The following RBPMS variants were observed in gnomAD, a reference collection of about 807,000 sequenced individuals.
RBPMS encodes the protein RNA binding protein, mRNA processing factor, also known as RNA-binding protein with multiple splicing.
In RBPMS, 7 loss-of-function variants were observed where a neutral mutation model predicts 26.8. The ratio of observed to expected loss-of-function variants is 0.26; its 90% confidence interval spans 0.15 to 0.49. RBPMS has a LOEUF of 0.49. RBPMS is among the 20% of genes least tolerant of loss of function. The probability of loss-of-function intolerance (pLI) is 0.98; values close to 1 mark genes in which losing one functional copy is unlikely to be tolerated. For missense variants in RBPMS, 186 were observed against 250.0 expected, an observed-to-expected ratio of 0.74 and a Z score of 1.73; for synonymous variants, 96 against 93.3, an observed-to-expected ratio of 1.03 and a Z score of -0.17.
intron 2 of RBPMS, 92 bp from the exon 3 acceptor site, chr8:30,477,707 G>A (rs867442055): frequency 5.8e-6 from 5 of 859,188 alleles, no homozygotes; most frequent in Middle Eastern, 2.3e-4. Context: ...TGTAGGAGGA[G>A]TTAGGTAATC....
intron 5 of RBPMS, among the ~76,000 whole-genome samples, chr8:30,527,498 C>T (rs1823718434): frequency 6.6e-6 from 1 of 152,222 alleles, no homozygotes; most frequent in East Asian, 1.9e-4. Context: ...TCTATTCCCT[C>T]TGAGACATTT....
rs1397696524 is a variant in RBPMS at position 30,571,015 on chromosome 8, G to A, written c.*490G>A. ...CTCTGAAGTAAGTTGCATGTTTGAG[G>A]CATGTTTCCAAATATTATCAAAATA... On this transcript the variant is annotated 3_prime_UTR_variant, in exon 9 of 9. Coordinates refer to ENST00000397323, the MANE Select transcript of RBPMS (RefSeq NM_001008710.3). 6.6e-6 allele frequency: 1 copy of A among 152,080 alleles called. No individual in the cohort carries two copies. Among genetic ancestry groups the A allele is most frequent in the African/African-American group, 2.4e-5 (1 of 41,344 alleles). The allele number at this position is 152,080 out of a possible 1,614,324, so 9.4% of individuals were successfully genotyped here.
chr8:30,499,870 CTGTGTGTGTGTGTGTGTGTG>C (rs10543546), intron 4 of RBPMS, among the ~76,000 whole-genome samples: 77 of 150,248 alleles, frequency 5.1e-4, no homozygotes, highest in African/African-American at 1.5e-3. Context: ...TCAGGGGAAA[CTGTGTGTGTGTGTGTGTGTG>C]TGTGTGTGTG....
intron 1 of RBPMS, among the ~76,000 whole-genome samples, chr8:30,414,922 T>A (rs560020915): frequency 6.6e-6 from 1 of 152,088 alleles, no homozygotes; most frequent in African/African-American, 2.4e-5. Context: ...TTTTCCCCTT[T>A]CCTCCTGAAT....
intron 1 of RBPMS, among the ~76,000 whole-genome samples, chr8:30,444,134 G>A (rs146505680): frequency 1.9e-3 from 289 of 152,132 alleles, no homozygotes; most frequent in African/African-American, 6.2e-3. Context: ...GGCCTCAAGT[G>A]ATCCTCCGGC....
chr8:30,427,510 G>A (rs1365666650), intron 1 of RBPMS, among the ~76,000 whole-genome samples: 3 of 152,124 alleles, frequency 2.0e-5, no homozygotes, highest in Admixed American at 2.0e-4. Context: ...ATGCCTGCTC[G>A]TCTTTCAGTA....
chr8:30,500,649 C>T (rs1036371985), intron 4 of RBPMS, among the ~76,000 whole-genome samples: 17 of 152,134 alleles, frequency 1.1e-4, no homozygotes, highest in African/African-American at 2.2e-4. Context: ...GAGGCTGTTA[C>T]GGTGACTCAG....
intron 1 of RBPMS, among the ~76,000 whole-genome samples, chr8:30,469,808 T>G (rs1305533258): frequency 6.6e-6 from 1 of 152,252 alleles, no homozygotes; most frequent in Non-Finnish European, 1.5e-5. Context: ...AACAGTTTTG[T>G]TAATGAGTAT....
chr8:30,500,200 C>G (rs960652729), intron 4 of RBPMS, among the ~76,000 whole-genome samples: 21 of 152,128 alleles, frequency 1.4e-4, no homozygotes, highest in African/African-American at 5.1e-4. Flanking sequence ...TCTCTCACCC[C>G]TACCACTAAG....
At chr8:30,476,082 G>C (rs190785300) in intron 2 of RBPMS, among the ~76,000 whole-genome samples, 5 of 152,290 alleles carry the variant, frequency 3.3e-5, no homozygotes, top group African/African-American at 1.2e-4. Context: ...ATAAAATACT[G>C]TTATGTTTTG....
rs547768888 is a variant in RBPMS at position 30,415,746 on chromosome 8, G to A, written c.66+30588G>A. Among the ~76,000 whole-genome samples, 5 of 152,244 alleles carry A rather than the reference G, an allele frequency of 3.3e-5. No homozygotes were observed. In the South Asian group the frequency reaches 8.3e-4, roughly 25 times the overall value. On this transcript the variant is annotated intron_variant, in intron 1 of 8. Transcript: ENST00000397323. The stretch of plus-strand genomic sequence containing the variant: ...ACTGCTTGGTGTGTTAGGGCAGTGT[G>A]TGTACACACTCTGCCTTGTGCGATG...
intron 1 of RBPMS, among the ~76,000 whole-genome samples, chr8:30,450,638 A>G (rs1454218806): frequency 6.6e-6 from 1 of 152,126 alleles, no homozygotes; most frequent in Admixed American, 6.5e-5. Context: ...AGAAGAAGTC[A>G]TCTCATAAAG....
Position 30,468,479 on chromosome 8 carries a change from A to G in RBPMS, c.67-6300A>G, listed in dbSNP as rs533174860. ...TGACAAACACATATAGGTGTTTGTC[A>G]GTTGATGTTGTGTAACTCTATTGAT... On this transcript the variant is annotated intron_variant, in intron 1 of 8. Transcript: ENST00000397323. Among the ~76,000 whole-genome samples, 6 of 152,160 alleles carry G rather than the reference A, an allele frequency of 3.9e-5. No individual in the cohort carries two copies. The East Asian group carries it at 9.7e-4, about 24-fold the overall frequency.
chr8:30,486,805 C>T (rs1321655828), intron 4 of RBPMS, among the ~76,000 whole-genome samples: 1 of 152,144 alleles, frequency 6.6e-6, no homozygotes, highest in Non-Finnish European at 1.5e-5. Context: ...CAACTTCACC[C>T]AGCTCTTCTC....
intron 1 of RBPMS, among the ~76,000 whole-genome samples, chr8:30,440,392 C>G (rs1475438855): frequency 6.6e-5 from 10 of 152,190 alleles, no homozygotes; most frequent in Non-Finnish European, 1.5e-4. Flanking sequence ...CATTCTTACT[C>G]CCTTTTTCTA....
chr8:30,497,720 A>G lies in RBPMS; in HGVS notation c.247-6566A>G, dbSNP rs558403603. 4.6e-5 allele frequency among the ~76,000 whole-genome samples: 7 copies of G among 152,012 alleles called. No individual in the cohort carries two copies. The East Asian group carries it at 1.2e-3, about 25-fold the overall frequency. On this transcript the variant is annotated intron_variant, in intron 4 of 8. Coordinates refer to ENST00000397323, the MANE Select transcript of RBPMS (RefSeq NM_001008710.3). The stretch of plus-strand genomic sequence containing the variant: ...CAAGCTCCACCTCCCGGGTTCACAC[A>G]GTTCTCCTGCCTCAGCCTCAGCCTC...
intron 4 of RBPMS, among the ~76,000 whole-genome samples, chr8:30,486,213 T>C (rs1255138339): frequency 6.6e-6 from 1 of 151,874 alleles, no homozygotes; most frequent in Non-Finnish European, 1.5e-5. Flanking sequence ...CCAGGCATGG[T>C]GGTAGCCTGT....
intron 2 of RBPMS, among the ~76,000 whole-genome samples, chr8:30,475,673 A>G (rs948204992): frequency 6.6e-6 from 1 of 152,254 alleles, no homozygotes; most frequent in Non-Finnish European, 1.5e-5. Context: ...GTTGAGGGAT[A>G]GGATTCAGCT....
intron 1 of RBPMS, among the ~76,000 whole-genome samples, chr8:30,433,173 A>G (rs752795512): frequency 2.0e-5 from 3 of 152,224 alleles, no homozygotes; most frequent in Admixed American, 6.5e-5. Context: ...CCAAACGTGA[A>G]CTTTCAAAGA....
Sources: allele counts gnomAD v4.1 joint callset (sites outside exome capture counted in the v4.1 genomes callset), GRCh38; gene constraint gnomAD v4.1.1; transcripts MANE v1.5; gene names NCBI Gene and HGNC (gene_info 2026-07-23, HGNC 2026-07-21).